Variants in MAF observed in about 807,000 individuals in gnomAD.
MAF encodes MAF bZIP transcription factor.
In MAF, 10 loss-of-function variants were observed where a neutral mutation model predicts 22.0. The ratio of observed to expected loss-of-function variants is 0.45; its 90% confidence interval spans 0.28 to 0.77. The LOEUF (loss-of-function observed/expected upper bound fraction) is 0.77, where lower values mean the gene tolerates loss of function less well. Ranked by LOEUF, MAF falls within the 30% of genes least tolerant of loss-of-function variation. The probability of loss-of-function intolerance (pLI) is 0.12; values close to 1 mark genes in which losing one functional copy is unlikely to be tolerated. For synonymous variants in MAF, 337 were observed against 255.8 expected (o/e 1.32, Z -3.03); for missense variants, 544 against 548.4 (o/e 0.99, Z 0.08).
chr16:79,519,782 C>A, the MAF span, among the ~76,000 whole-genome samples: 3 of 152,280 alleles, frequency 2.0e-5, no homozygotes, highest in Non-Finnish European at 4.4e-5. Flanking sequence ...CCTCTGAACC[C>A]TGTGTTCACA....
chr16:79,544,116 G>A, the MAF span, among the ~76,000 whole-genome samples: 1 of 152,048 alleles, frequency 6.6e-6, no homozygotes, highest in East Asian at 1.9e-4. Flanking sequence ...CAAGTGGTAT[G>A]ATATGGTCAA....
the MAF span, among the ~76,000 whole-genome samples, chr16:79,395,939 G>T: frequency 6.6e-6 from 1 of 152,136 alleles, no homozygotes; most frequent in Non-Finnish European, 1.5e-5. Flanking sequence ...CAGACCTGGT[G>T]GCAAATGGCC....
the MAF span, among the ~76,000 whole-genome samples, chr16:79,438,052 CCTGT>C: frequency 2.0e-5 from 3 of 152,242 alleles, no homozygotes; most frequent in East Asian, 5.8e-4. Context: ...CCTTGGAGAG[CCTGT>C]CTCTTAGAGA....
the MAF span, among the ~76,000 whole-genome samples, chr16:79,371,388 C>T: frequency 3.3e-5 from 5 of 152,190 alleles, no homozygotes; most frequent in Non-Finnish European, 5.9e-5. Flanking sequence ...GCAGGGGACA[C>T]AGACGCCTCC....
At chr16:79,422,905 G>C in the MAF span, among the ~76,000 whole-genome samples, 1 of 152,156 alleles carries the variant, frequency 6.6e-6, no homozygotes, top group Non-Finnish European at 1.5e-5. Flanking sequence ...ATACTACTCA[G>C]TTAAGCAAAT....
the MAF span, among the ~76,000 whole-genome samples, chr16:79,502,688 TAAATATAAATATAA>T: frequency 6.8e-5 from 1 of 14,600 alleles, no homozygotes; most frequent in Non-Finnish European, 1.4e-4. Context: ...AATATAAATA[TAAATATAAATATAA>T]ATATAAATAT....
chr16:79,424,428 G>A, the MAF span, among the ~76,000 whole-genome samples: 1 of 152,126 alleles, frequency 6.6e-6, no homozygotes, highest in Admixed American at 6.6e-5. Flanking sequence ...TTGCATTATG[G>A]CTTCTGCGGG....
the MAF span, among the ~76,000 whole-genome samples, chr16:79,353,039 AG>A: frequency 1.3e-5 from 2 of 152,146 alleles, no homozygotes; most frequent in Admixed American, 1.3e-4. Flanking sequence ...ACACAGTGAT[AG>A]ATAGAGATGC....
the MAF span, among the ~76,000 whole-genome samples, chr16:79,258,412 C>G: frequency 6.6e-6 from 1 of 152,302 alleles, no homozygotes; most frequent in African/African-American, 2.4e-5. Context: ...CATGGGCTGA[C>G]AAATGGAGCT....
At chr16:79,532,914 A>G in the MAF span, among the ~76,000 whole-genome samples, 1 of 152,152 alleles carries the variant, frequency 6.6e-6, no homozygotes, top group African/African-American at 2.4e-5. Flanking sequence ...CAAATATCCA[A>G]ATATCCAATA....
At chr16:79,583,168 G>T (rs937477390), downstream of MAF, among the ~76,000 whole-genome samples, 1 of 152,154 alleles carries the variant, frequency 6.6e-6, no homozygotes, top group South Asian at 2.1e-4. Context: ...ATGATTACGG[G>T]CAACACAGAA....
the MAF span, among the ~76,000 whole-genome samples, chr16:79,354,883 T>C: frequency 2.0e-5 from 3 of 152,010 alleles, no homozygotes; most frequent in Admixed American, 6.6e-5. Flanking sequence ...ACACCATGTG[T>C]ATGAGAAATC....
chr16:79,342,625 C>T, the MAF span, among the ~76,000 whole-genome samples: 61 of 151,610 alleles, frequency 4.0e-4, no homozygotes, highest in African/African-American at 1.5e-3. Flanking sequence ...TCACCATCAC[C>T]ACCACTGTCA....
At chr16:79,513,507 G>A in the MAF span, among the ~76,000 whole-genome samples, 3 of 152,202 alleles carry the variant, frequency 2.0e-5, no homozygotes, top group South Asian at 2.1e-4. Context: ...AAGTAACTGT[G>A]CAGTTGAAGG....
chr16:79,276,291 G>C, the MAF span, among the ~76,000 whole-genome samples: 1 of 152,162 alleles, frequency 6.6e-6, no homozygotes, highest in South Asian at 2.1e-4. Flanking sequence ...CTTTAGACTG[G>C]TCTAAATAAA....
chr16:79,595,464 G>A, intron 1 of MAF: 1 of 1,057,982 alleles, frequency 9.5e-7, no homozygotes. Context: ...ATCGTGTTTG[G>A]CTGTATTTTC....
the MAF span, among the ~76,000 whole-genome samples, chr16:79,338,330 G>C: frequency 3.9e-5 from 6 of 152,160 alleles, no homozygotes; most frequent in African/African-American, 1.2e-4. Context: ...CACAGAGTGA[G>C]ATCTCTACCT....
the MAF span, among the ~76,000 whole-genome samples, chr16:79,313,270 A>AT: frequency 6.6e-6 from 1 of 152,242 alleles, no homozygotes; most frequent in African/African-American, 2.4e-5. Flanking sequence ...AACATGATTA[A>AT]TTTTTTCTGC....
chr16:79,497,814 G>A, the MAF span, among the ~76,000 whole-genome samples: 1 of 152,236 alleles, frequency 6.6e-6, no homozygotes, highest in African/African-American at 2.4e-5. Context: ...CAGCAAATGA[G>A]AGAAAGCTCA....
Sources: gnomAD v4.1 joint callset for allele counts (sites outside exome capture counted in the v4.1 genomes callset) on GRCh38, gnomAD v4.1.1 for gene constraint, MANE v1.5 for transcripts, NCBI Gene and HGNC (gene_info 2026-07-23, HGNC 2026-07-21) for gene names.